The following CNTN5 variants were observed in gnomAD, a reference collection of about 807,000 sequenced individuals.
The protein encoded by CNTN5 is contactin 5.
A neutral mutation model predicts 129.1 loss-of-function variants in CNTN5; 77 were observed. The observed-to-expected ratio is 0.60, with a 90% CI of 0.50 to 0.72. CNTN5 has a LOEUF of 0.72. Among genes scored for constraint, CNTN5 ranks in the 30% least tolerant of loss-of-function variants. CNTN5 has a pLI of 0.00. For synonymous variants in CNTN5, 509 were observed against 465.6 expected, an observed-to-expected ratio of 1.09 and a Z score of -1.20; for missense variants, 1,478 against 1,328.8, an observed-to-expected ratio of 1.11 and a Z score of -1.75.
chr11:99,936,182 G>GTTTT (rs1950312082), intron 7 of CNTN5, among the ~76,000 whole-genome samples: 1 of 152,066 alleles, frequency 6.6e-6, no homozygotes, highest in East Asian at 1.9e-4. Context: ...CATTTGCAGG[G>GTTTT]GTTATTAAAA....
At chr11:99,819,295 C>A in intron 3 of CNTN5, among the ~76,000 whole-genome samples, 3 of 53,026 alleles carry the variant, frequency 5.7e-5, no homozygotes, top group South Asian at 7.2e-4. Context: ...CTCTCCTCTC[C>A]TCCCCTTCCC....
intron 9 of CNTN5, among the ~76,000 whole-genome samples, chr11:100,050,352 A>C (rs938190603): frequency 3.9e-5 from 6 of 152,154 alleles, no homozygotes; most frequent in Admixed American, 3.3e-4. Flanking sequence ...GGAAATCATC[A>C]TTCTCAATAA....
At chr11:99,516,543 A>C (rs1258649925) in intron 2 of CNTN5, among the ~76,000 whole-genome samples, 3 of 152,128 alleles carry the variant, frequency 2.0e-5, no homozygotes, top group Non-Finnish European at 4.4e-5. Context: ...ATCCACACAC[A>C]TACATGCTTA....
At chr11:99,078,246 A>G (rs1016881793) in intron 1 of CNTN5, among the ~76,000 whole-genome samples, 3 of 152,216 alleles carry the variant, frequency 2.0e-5, no homozygotes, top group South Asian at 2.1e-4. Flanking sequence ...TTTCACTGAT[A>G]TTAAGCATAC....
intron 3 of CNTN5, among the ~76,000 whole-genome samples, chr11:99,579,645 G>C (rs1435342995): frequency 7.2e-6 from 1 of 139,172 alleles, no homozygotes; most frequent in Non-Finnish European, 1.5e-5. Flanking sequence ...TGTTATTGGT[G>C]TATAAGAATG....
At chr11:99,639,559 G>GTTTTTTTTTTTTTTTTTTTTTTTTT (rs71050010) in intron 3 of CNTN5, among the ~76,000 whole-genome samples, 1 of 70,322 alleles carries the variant, frequency 1.4e-5, no homozygotes, top group Non-Finnish European at 2.5e-5. Flanking sequence ...TCACCTTTAT[G>GTTTTTTTTTTTTTTTTTTTTTTTTT]TTTTTTTTTT....
chr11:99,831,929 G>A (rs1241076325), intron 4 of CNTN5, among the ~76,000 whole-genome samples: 1 of 152,102 alleles, frequency 6.6e-6, no homozygotes, highest in African/African-American at 2.4e-5. Context: ...GTCAGAAGAG[G>A]ATCAGCTTTC....
intron 3 of CNTN5, among the ~76,000 whole-genome samples, chr11:99,692,760 A>T (rs1185536546): frequency 6.6e-6 from 1 of 152,136 alleles, no homozygotes; most frequent in Admixed American, 6.5e-5. Flanking sequence ...GCGTATTTTA[A>T]GTGTTCCTAT....
intron 3 of CNTN5, among the ~76,000 whole-genome samples, chr11:99,791,885 CT>C: frequency 6.6e-6 from 1 of 152,132 alleles, no homozygotes; most frequent in South Asian, 2.1e-4. Context: ...TGGATTTTTG[CT>C]CTTGTTTTGG....
intron 3 of CNTN5, among the ~76,000 whole-genome samples, chr11:99,633,268 C>T (rs1031798494): frequency 1.3e-5 from 2 of 152,120 alleles, no homozygotes; most frequent in African/African-American, 4.8e-5. Flanking sequence ...ACAAAGTGTC[C>T]TATTTTTAAA....
chr11:100,155,070 G>A (rs963824168), intron 13 of CNTN5, among the ~76,000 whole-genome samples: 3 of 152,074 alleles, frequency 2.0e-5, no homozygotes, highest in Non-Finnish European at 4.4e-5. Context: ...ATTGCTTTTG[G>A]TGTTTTAGTC....
At chr11:99,316,023 T>C (rs1194971446) in intron 1 of CNTN5, among the ~76,000 whole-genome samples, 3 of 152,118 alleles carry the variant, frequency 2.0e-5, no homozygotes, top group Admixed American at 2.0e-4. Context: ...GTAAAGCCCC[T>C]GGTAGTTGTT....
Position 100,255,761 on chromosome 11 carries a change from ACC to A in CNTN5, c.2011_2012del (p.Pro671ArgfsTer9), listed in dbSNP as rs764489095. On this transcript the variant is annotated frameshift_variant and splice_region_variant, in exon 17 of 25. Transcript: ENST00000524871. LOFTEE classifies it high-confidence loss of function. The stretch of plus-strand genomic sequence containing the variant: ...TTATCCATTGCCTTTGACCTATAGG[ACC>A]CCCAGGCCCACCTGGGATAGTAATT... ...SDEAELLVRG[P>X]PGPPGIVIVE... is the part of the protein sequence containing the mutation. 1 of 1,613,144 alleles carries A rather than the reference ACC, an allele frequency of 6.2e-7. No individual in the cohort carries two copies. Among genetic ancestry groups the A allele is most frequent in the Non-Finnish European group, 8.5e-7 (1 of 1,179,390 alleles).
At chr11:100,286,407 C>T (rs1241856528) in intron 18 of CNTN5, among the ~76,000 whole-genome samples, 2 of 151,598 alleles carry the variant, frequency 1.3e-5, no homozygotes, top group Non-Finnish European at 1.5e-5. Context: ...AGCTGGAGAT[C>T]TGAGAACGGG....
intron 16 of CNTN5, among the ~76,000 whole-genome samples, chr11:100,253,094 C>T (rs1467340954): frequency 1.3e-5 from 2 of 152,130 alleles, no homozygotes; most frequent in South Asian, 2.1e-4. Context: ...GTGATTAATG[C>T]TTTCTTCAAA....
At chr11:99,992,728 A>G (rs1282168293) in intron 8 of CNTN5, among the ~76,000 whole-genome samples, 1 of 152,186 alleles carries the variant, frequency 6.6e-6, no homozygotes, top group African/African-American at 2.4e-5. Flanking sequence ...CCACTTAGGG[A>G]AAAGTATCCT....
At chr11:99,616,740 A>G (rs1407697936) in intron 3 of CNTN5, among the ~76,000 whole-genome samples, 1 of 152,332 alleles carries the variant, frequency 6.6e-6, no homozygotes, top group African/African-American at 2.4e-5. Flanking sequence ...TGATGACTAC[A>G]TGGGAGGTAA....
rs181646583 is a variant in CNTN5, at chr11:99,442,222, G to C, written c.-70-113923G>C. Among the ~76,000 whole-genome samples, 20 of 152,166 alleles carry C rather than the reference G, an allele frequency of 1.3e-4. No individual in the cohort carries two copies. In the East Asian group the frequency reaches 3.1e-3, roughly 24 times the overall value. On this transcript the variant is annotated intron_variant, in intron 2 of 24. Transcript: ENST00000524871. The stretch of plus-strand genomic sequence containing the variant: ...GAGTCTTGCTCTCTTGCCCAGGCTG[G>C]AGTGCTGCGTGACCTTGGCTCACCG...
chr11:99,088,630 C>T (rs574801496), intron 1 of CNTN5, among the ~76,000 whole-genome samples: 2 of 152,092 alleles, frequency 1.3e-5, no homozygotes, highest in African/African-American at 4.8e-5. Context: ...AAGGTTGCCT[C>T]CCAATAAAGA....
Sources: allele counts gnomAD v4.1 joint callset (sites outside exome capture counted in the v4.1 genomes callset), GRCh38; gene constraint gnomAD v4.1.1; transcripts MANE v1.5; gene names NCBI Gene and HGNC (gene_info 2026-07-23, HGNC 2026-07-21).